The following RARA variants were observed in gnomAD, a reference collection of about 807,000 sequenced individuals.
RARA encodes retinoic acid receptor alpha, also known as PML-DDX5-RARA fusion.
A neutral mutation model predicts 42.8 loss-of-function variants in RARA; 5 were observed. The observed-to-expected ratio is 0.12, with a 90% CI of 0.06 to 0.25. The LOEUF (loss-of-function observed/expected upper bound fraction) is 0.25, where lower values mean the gene tolerates loss of function less well. Among genes scored for constraint, RARA ranks in the 10% least tolerant of loss-of-function variants. RARA has a pLI of 1.00. For missense variants in RARA, 402 were observed against 628.7 expected (o/e 0.64, Z 3.86); for synonymous variants, 256 against 259.5 (o/e 0.99, Z 0.13).
At chr17:40,341,678 G>A (rs1244295842) in intron 2 of RARA, 6 of 1,336,848 alleles carry the variant, frequency 4.5e-6, no homozygotes, top group South Asian at 1.9e-5. Flanking sequence ...CAGCCGCATT[G>A]CATTAGGCAA....
chr17:40,352,021 C>T lies in RARA; in HGVS notation c.581C>T (p.Ala194Val), dbSNP rs779485530. 3 of 1,589,054 alleles carry T rather than the reference C, an allele frequency of 1.9e-6. No individual in the cohort carries two copies. Among genetic ancestry groups the T allele is most frequent in the Non-Finnish European group, 1.7e-6 (2 of 1,172,554 alleles). ...GAGCTCATTGAGAAGGTGCGCAAAGCGCACCAGGAAACCTTCCCTGCCCTC... is the reference window on the plus strand; with the variant it reads ...GAGCTCATTGAGAAGGTGCGCAAAGTGCACCAGGAAACCTTCCCTGCCCTC... The part of the protein sequence containing the change: ...VGELIEKVRK[A>V]HQETFPALCQ... Residue 194 changes from alanine (A) to valine (V), a missense_variant, in exon 5 of 9, where the codon GCG becomes GTG. Physicochemically the swap from Ala to Val is moderately conservative, Grantham distance 64. Coordinates refer to ENST00000254066, the MANE Select transcript of RARA (RefSeq NM_000964.4). The surrounding 1 kb of genome is among the most constrained non-coding windows in gnomAD (Gnocchi z 4.9).
At position 40,357,206 on chromosome 17, in the gene RARA, G is replaced by A. The variant is rs2143561181; in HGVS notation, c.*980G>A. ...CTCGGCAGAGCTGCCTCCCGTCAGG[G>A]CCCACATCATCTAGGCTCCCCAGCC... On this transcript the variant is annotated 3_prime_UTR_variant, in exon 9 of 9. Transcript: ENST00000254066. 8.4e-6 allele frequency: 2 copies of A among 238,782 alleles called. No individual in the cohort carries two copies. Among genetic ancestry groups the A allele is most frequent in the South Asian group, 3.0e-4 (2 of 6,612 alleles). The allele number at this position is 238,782 out of a possible 1,614,324, so 14.8% of individuals were successfully genotyped here.
chr17:40,349,607 G>T, intron 3 of RARA, 177 bp from the exon 4 acceptor site: 1 of 721,728 alleles, frequency 1.4e-6, no homozygotes, highest in Non-Finnish European at 2.2e-6. Context: ...ATTCTCCTGA[G>T]GAGGATCCTT....
At chr17:40,338,156 G>A (rs186733142) in intron 2 of RARA, among the ~76,000 whole-genome samples, 1 of 152,372 alleles carries the variant, frequency 6.6e-6, no homozygotes, top group African/African-American at 2.4e-5. Context: ...CAGGGCCGAG[G>A]TATTGTGTCT....
intron 1 of RARA, among the ~76,000 whole-genome samples, chr17:40,325,224 A>G (rs888812009): frequency 1.2e-4 from 18 of 151,902 alleles, no homozygotes; most frequent in Middle Eastern, 3.4e-3. Context: ...GCACTCCAGC[A>G]TGTGTGACAG....
In RARA at chr17:40,351,031, C is replaced by T. The variant is rs565191382; in HGVS notation, c.470-879C>T. ...CCCCTCTCCCGGCTGCTCTGTGCCCCGGAGCTGAGCAGCTGCCATTTCAAT... is the reference window on the plus strand; with the variant it reads ...CCCCTCTCCCGGCTGCTCTGTGCCCTGGAGCTGAGCAGCTGCCATTTCAAT... On this transcript the variant is annotated intron_variant, in intron 4 of 8. Transcript: ENST00000254066. This position sits in a 1 kb window ranked among gnomAD's most constrained non-coding sequence, Gnocchi z 4.1. Among the ~76,000 whole-genome samples the T allele has an allele frequency of 2.6e-5, 4 of 152,114 alleles. No individual in the cohort carries two copies. The highest frequency in any genetic ancestry group is 2.1e-4 in the South Asian group (1 of 4,812).
At chr17:40,342,498 C>G (rs2034097568) in intron 2 of RARA, 4 of 1,320,578 alleles carry the variant, frequency 3.0e-6, no homozygotes, top group Non-Finnish European at 3.9e-6. Context: ...ACACAACTTC[C>G]CTGCTTTTCA....
At chr17:40,329,877 A>T (rs939972942) in intron 1 of RARA, among the ~76,000 whole-genome samples, 2 of 152,156 alleles carry the variant, frequency 1.3e-5, no homozygotes, top group Non-Finnish European at 2.9e-5. Context: ...CCCAAAATGG[A>T]TTTGAAACAT....
chr17:40,354,625 C>A lies in RARA; in HGVS notation c.1012+119C>A. On this transcript the variant is annotated intron_variant, in intron 7 of 8. Transcript: ENST00000254066. The surrounding 1 kb of genome is among the most constrained non-coding windows in gnomAD (Gnocchi z 4.5). Reference sequence around the variant, plus strand: ...GTATCTCTAGAGGGCAGGGTCTGGTCTGCAACTACACAGCAAGGGGGCCAT... The same window carrying A: ...GTATCTCTAGAGGGCAGGGTCTGGTATGCAACTACACAGCAAGGGGGCCAT... 1 of 1,234,690 alleles carries A rather than the reference C, an allele frequency of 8.1e-7. No homozygotes were observed. Among genetic ancestry groups the A allele is most frequent in the Middle Eastern group, 2.8e-4 (1 of 3,614 alleles). The allele number at this position is 1,234,690 out of a possible 1,614,324, so 76.5% of individuals were successfully genotyped here.
chr17:40,342,829 C>T, intron 2 of RARA: 1 of 1,613,114 alleles, frequency 6.2e-7, no homozygotes, highest in Non-Finnish European at 8.5e-7. Context: ...CCGTACTCCA[C>T]CCCGCTCCGG....
At chr17:40,314,867 T>C (rs2143160322) in intron 1 of RARA, among the ~76,000 whole-genome samples, 1 of 151,594 alleles carries the variant, frequency 6.6e-6, no homozygotes, top group South Asian at 2.1e-4. Flanking sequence ...ACCAGGCTTG[T>C]GGTGGGGGTG....
At position 40,349,920 on chromosome 17, in the gene RARA, A is replaced by G. The variant is rs773905498; in HGVS notation, c.464A>G (p.Lys155Arg). 2.5e-6 allele frequency: 4 copies of G among 1,613,992 alleles called. No homozygotes were observed. The highest frequency in any genetic ancestry group is 2.5e-6 in the Non-Finnish European group (3 of 1,179,940). ...LQKCFEVGMSKESVRNDRNKK... is the reference protein window; with the variant it reads ...LQKCFEVGMSRESVRNDRNKK... ...AAGTGCTTTGAAGTGGGCATGTCCA[A>G]GGAGTGTGAGTGCCATAGGGCAGGG... Residue 155 changes from lysine to arginine, a missense_variant, in exon 4 of 9, where the codon AAG (lysine) becomes AGG (arginine). This residue lies in a region of RARA where 130 missense variants were observed against 267.9 expected (regional missense o/e 0.49). Coordinates refer to ENST00000254066, the MANE Select transcript of RARA (RefSeq NM_000964.4).
At position 40,356,585 on chromosome 17, in the gene RARA, A is replaced by C; in HGVS notation, c.*359A>C. 1.8e-6 allele frequency: 1 copy of C among 559,106 alleles called. No individual in the cohort carries two copies. Among genetic ancestry groups the C allele is most frequent in the Non-Finnish European group, 3.4e-6 (1 of 292,238 alleles). 34.6% of individuals were successfully genotyped at this position (559,106 alleles called of 1,614,324 possible). On this transcript the variant is annotated 3_prime_UTR_variant, in exon 9 of 9. Coordinates refer to ENST00000254066, the MANE Select transcript of RARA (RefSeq NM_000964.4). The stretch of plus-strand genomic sequence containing the variant: ...GCAAACGCCAGGACTTGGCTCCCCC[A>C]TCCTCAGAACTCACAAGCCATTGCT...
In RARA at chr17:40,352,093, A is replaced by C. The variant is rs1441530841; in HGVS notation, c.630+23A>C. On this transcript the variant is annotated intron_variant, in intron 5 of 8. Transcript: ENST00000254066. The surrounding 1 kb of genome is among the most constrained non-coding windows in gnomAD (Gnocchi z 4.9). ...ACGGTATGGCTTTCCCCCGGCCTGC[A>C]GGGTGGGATTTGCCCAGGGCCACAG... 3.3e-6 allele frequency: 5 copies of C among 1,536,642 alleles called. No individual in the cohort carries two copies. The highest frequency in any genetic ancestry group is 4.4e-6 in the Non-Finnish European group (5 of 1,148,066).
At position 40,351,432 on chromosome 17, in the gene RARA, C is replaced by T. The variant is rs1229064716; in HGVS notation, c.470-478C>T. The T allele has an allele frequency of 6.4e-6, 3 of 466,690 alleles. No homozygotes were observed. The highest frequency in any genetic ancestry group is 4.0e-5 in the African/African-American group (2 of 49,882). 28.9% of individuals were successfully genotyped at this position (466,690 alleles called of 1,614,324 possible). On this transcript the variant is annotated intron_variant, in intron 4 of 8. Coordinates refer to ENST00000254066, the MANE Select transcript of RARA (RefSeq NM_000964.4). This position sits in a 1 kb window ranked among gnomAD's most constrained non-coding sequence, Gnocchi z 4.1. Reference sequence around the variant, plus strand: ...CCAAGAGATTCTCCCCGCCAGGTCCCCCACTCTCAGGCTGGGGAGCCCTAC... The same window carrying T: ...CCAAGAGATTCTCCCCGCCAGGTCCTCCACTCTCAGGCTGGGGAGCCCTAC...
At position 40,350,123 on chromosome 17, in the gene RARA, G is replaced by A. The variant is rs751952008; in HGVS notation, c.469+198G>A. ...CGAGTCTGGCTGGCTGTGTGTCCAC[G>A]GGCAGGTCTGTGCTCCGGGACCGTG... On this transcript the variant is annotated intron_variant, in intron 4 of 8. Coordinates refer to ENST00000254066, the MANE Select transcript of RARA (RefSeq NM_000964.4). The A allele has an allele frequency of 7.2e-4, 542 of 756,174 alleles. 1 individual carries two copies. The highest frequency in any genetic ancestry group is 9.8e-4 in the Non-Finnish European group (472 of 483,202). The allele number at this position is 756,174 out of a possible 1,614,324, so 46.8% of individuals were successfully genotyped here.
chr17:40,317,256 C>T (rs1248611416), intron 1 of RARA, among the ~76,000 whole-genome samples: 2 of 152,042 alleles, frequency 1.3e-5, no homozygotes, highest in African/African-American at 4.8e-5. Flanking sequence ...GTGGCCACTT[C>T]TCTGCCTGGG....
At chr17:40,313,416 TG>T (rs2033132972) in intron 1 of RARA, among the ~76,000 whole-genome samples, 1 of 152,100 alleles carries the variant, frequency 6.6e-6, no homozygotes, top group Non-Finnish European at 1.5e-5. Flanking sequence ...GAAAACTCAA[TG>T]GAGAATTGTG....
intron 1 of RARA, among the ~76,000 whole-genome samples, chr17:40,321,329 C>T (rs1389732071): frequency 1.3e-5 from 2 of 151,768 alleles, no homozygotes; most frequent in Non-Finnish European, 2.9e-5. Context: ...CCGCTCCAGT[C>T]CCGCCCTCCC....
Sources: allele counts gnomAD v4.1 joint callset (sites outside exome capture counted in the v4.1 genomes callset), GRCh38; gene constraint gnomAD v4.1.1; regional missense constraint gnomAD v4.1.1; non-coding constraint Gnocchi (gnomAD v3.1); transcripts MANE v1.5; gene names NCBI Gene and HGNC (gene_info 2026-07-23, HGNC 2026-07-21).